GPHN: variants seen among roughly 807,000 people sequenced by gnomAD.
GPHN encodes gephyrin.
Under a neutral mutation model 95.5 loss-of-function variants are expected in GPHN, and 17 were observed. That is an observed-to-expected ratio of 0.18 (90% CI 0.12 to 0.27). The LOEUF (loss-of-function observed/expected upper bound fraction) is 0.27, where lower values mean the gene tolerates loss of function less well. Among genes scored for constraint, GPHN ranks in the 10% least tolerant of loss-of-function variants. The pLI is 1.00. For synonymous variants in GPHN, 320 were observed against 322.5 expected (o/e 0.99, Z 0.08); for missense variants, 660 against 978.1 (o/e 0.67, Z 4.34).
intron 2 of GPHN, among the ~76,000 whole-genome samples, chr14:66,757,113 G>A (rs1477548337): frequency 1.3e-5 from 2 of 151,984 alleles, no homozygotes; most frequent in African/African-American, 4.8e-5. Flanking sequence ...TTTGAGAGTG[G>A]TTATGTATGA....
At chr14:66,510,576 A>C (rs1308670336) in intron 1 of GPHN, among the ~76,000 whole-genome samples, 4 of 152,220 alleles carry the variant, frequency 2.6e-5, no homozygotes, top group Admixed American at 1.3e-4. Context: ...TTCTAAATAC[A>C]TTACCTATGA....
the GPHN span, among the ~76,000 whole-genome samples, chr14:67,485,641 G>A: frequency 1.3e-5 from 2 of 152,188 alleles, no homozygotes; most frequent in Admixed American, 6.5e-5. Context: ...CCAGGCTACG[G>A]GCCCTGCACA....
the GPHN span, among the ~76,000 whole-genome samples, chr14:67,561,133 C>T: frequency 1.3e-5 from 2 of 152,210 alleles, no homozygotes; most frequent in African/African-American, 2.4e-5. Flanking sequence ...ATGTACATCT[C>T]AGGTCACCTG....
chr14:66,729,071 C>T (rs547183047), intron 2 of GPHN, among the ~76,000 whole-genome samples: 4 of 152,210 alleles, frequency 2.6e-5, no homozygotes, highest in South Asian at 2.1e-4. Context: ...ACAGGAGTTT[C>T]CCTGCACAGG....
At chr14:67,441,252 G>A in the GPHN span, among the ~76,000 whole-genome samples, 3 of 152,188 alleles carry the variant, frequency 2.0e-5, no homozygotes, top group African/African-American at 7.2e-5. Context: ...CAGGTCCTGT[G>A]AGGCAAATGT....
intron 21 of GPHN, among the ~76,000 whole-genome samples, chr14:67,171,374 G>GAAA (rs111769551): frequency 7.5e-6 from 1 of 133,574 alleles, no homozygotes; most frequent in Admixed American, 7.5e-5. Context: ...ATCTGGTAAA[G>GAAA]AAAAAAAAAA....
At chr14:66,882,949 C>T (rs1024709243) in intron 5 of GPHN, among the ~76,000 whole-genome samples, 3 of 150,790 alleles carry the variant, frequency 2.0e-5, no homozygotes, top group Non-Finnish European at 3.0e-5. Flanking sequence ...TTGCTGTTTC[C>T]TTATGTGTAA....
At chr14:66,542,340 C>A (rs900032957) in intron 1 of GPHN, among the ~76,000 whole-genome samples, 26 of 152,148 alleles carry the variant, frequency 1.7e-4, no homozygotes, top group Non-Finnish European at 4.4e-5. Flanking sequence ...TTAATGTTTT[C>A]TCTCATCAGA....
At chr14:66,958,828 G>A (rs533581199) in intron 8 of GPHN, among the ~76,000 whole-genome samples, 2 of 152,106 alleles carry the variant, frequency 1.3e-5, no homozygotes, top group African/African-American at 4.8e-5. Flanking sequence ...GATAGTTTAT[G>A]TACATTTAAT....
At chr14:67,388,498 G>A in the GPHN span, among the ~76,000 whole-genome samples, 1 of 152,140 alleles carries the variant, frequency 6.6e-6, no homozygotes, top group Non-Finnish European at 1.5e-5. Context: ...TTCACAGCCA[G>A]CAGCAGTAGT....
the GPHN span, chr14:67,579,402 GT>G: frequency 9.7e-7 from 1 of 1,026,772 alleles, no homozygotes; most frequent in Non-Finnish European, 1.4e-6. Flanking sequence ...TTGGCAGATT[GT>G]TCACTGTTGC....
the GPHN span, chr14:67,620,053 G>A: frequency 1.2e-6 from 2 of 1,611,458 alleles, no homozygotes; most frequent in East Asian, 4.5e-5. Flanking sequence ...CGTCCACTCC[G>A]TGGCTGTGAT....
intron 2 of GPHN, among the ~76,000 whole-genome samples, chr14:66,681,539 T>C (rs2066930455): frequency 6.6e-6 from 1 of 152,116 alleles, no homozygotes; most frequent in African/African-American, 2.4e-5. Context: ...ATATTGTTTA[T>C]AGTAATTATT....
chr14:67,302,410 G>A, the GPHN span: 1 of 1,546,516 alleles, frequency 6.5e-7, no homozygotes, highest in Non-Finnish European at 8.8e-7. Flanking sequence ...ATATTTTTAG[G>A]GTGCTACAGT....
At chr14:66,650,873 C>T (rs539437242) in intron 1 of GPHN, among the ~76,000 whole-genome samples, 21 of 152,160 alleles carry the variant, frequency 1.4e-4, no homozygotes, top group African/African-American at 4.6e-4. Context: ...TCAAAGAGGT[C>T]GCTTCTGAAT....
chr14:67,008,430 G>A (rs1435038945), intron 9 of GPHN, among the ~76,000 whole-genome samples: 1 of 150,996 alleles, frequency 6.6e-6, no homozygotes, highest in African/African-American at 2.4e-5. Flanking sequence ...CACTCCAGCA[G>A]GTGACAGAGT....
the GPHN span, chr14:67,690,233 C>G: frequency 3.1e-6 from 5 of 1,613,508 alleles, no homozygotes; most frequent in Non-Finnish European, 4.2e-6. Flanking sequence ...CGGGCCAGTT[C>G]CTGGGTGAAG....
chr14:67,496,565 T>C, the GPHN span, among the ~76,000 whole-genome samples: 1 of 151,958 alleles, frequency 6.6e-6, no homozygotes, highest in African/African-American at 2.4e-5. Context: ...GAAAAGCTGC[T>C]GGAAGAGAAG....
chr14:67,668,742 T>C, the GPHN span, among the ~76,000 whole-genome samples: 1 of 152,182 alleles, frequency 6.6e-6, no homozygotes, highest in Admixed American at 6.5e-5. Context: ...TGGAGGGCTG[T>C]GAAAACACAC....
Sources: allele counts gnomAD v4.1 joint callset (sites outside exome capture counted in the v4.1 genomes callset), GRCh38; gene constraint gnomAD v4.1.1; transcripts MANE v1.5; gene names NCBI Gene and HGNC (gene_info 2026-07-23, HGNC 2026-07-21).